The following ZMYND12 variants were observed in gnomAD, a reference collection of about 807,000 sequenced individuals.
ZMYND12 encodes zinc finger MYND domain-containing protein 12.
A neutral mutation model predicts 41.7 loss-of-function variants in ZMYND12; 32 were observed. The observed-to-expected ratio is 0.77, with a 90% CI of 0.58 to 1.03. The LOEUF (loss-of-function observed/expected upper bound fraction) is 1.03. ZMYND12 is among the 50% of genes least tolerant of loss of function. The pLI, the probability that ZMYND12 is intolerant of heterozygous loss-of-function variation, is 0.00. For missense variants in ZMYND12, 424 were observed against 438.5 expected, an observed-to-expected ratio of 0.97 and a Z score of 0.30; for synonymous variants, 148 against 164.8, an observed-to-expected ratio of 0.90 and a Z score of 0.78.
In ZMYND12 at chr1:42,430,584, T is replaced by C; in HGVS notation, c.*152A>G. 1.0e-6 allele frequency: 1 copy of C among 987,046 alleles called. No homozygotes were observed. Among genetic ancestry groups the C allele is most frequent in the South Asian group, 1.9e-5 (1 of 52,746 alleles). 61.1% of individuals were successfully genotyped at this position (987,046 alleles called of 1,614,324 possible). A position where few individuals can be genotyped will look rare whatever the true frequency, so the allele number is the denominator to read the frequency against. Reference sequence around the variant, plus strand: ...CTTTATATTCCCTTAATATGCTGTGTAAGAAAAAAATAACAGCTATGTGTG... The same window carrying C: ...CTTTATATTCCCTTAATATGCTGTGCAAGAAAAAAATAACAGCTATGTGTG... On this transcript the variant is annotated 3_prime_UTR_variant, in exon 8 of 8. Coordinates refer to ENST00000372565, the MANE Select transcript of ZMYND12 (RefSeq NM_032257.5).
intron 4 of ZMYND12, among the ~76,000 whole-genome samples, chr1:42,437,241 TG>T (rs1642917228): frequency 1.3e-5 from 2 of 152,146 alleles, no homozygotes; most frequent in South Asian, 4.1e-4. Context: ...AAGGCAAATT[TG>T]TAGAAACAGG....
chr1:42,453,214 CA>C (rs967551833), intron 1 of ZMYND12, among the ~76,000 whole-genome samples: 25 of 151,684 alleles, frequency 1.6e-4, no homozygotes, highest in African/African-American at 5.3e-4. Context: ...AGCAAAAAAA[CA>C]AAAGGAGAAG....
At chr1:42,451,264 T>G (rs554396432) in intron 1 of ZMYND12, among the ~76,000 whole-genome samples, 2 of 152,344 alleles carry the variant, frequency 1.3e-5, no homozygotes, top group Admixed American at 1.3e-4. Context: ...GGTAGGATAT[T>G]GAAGTCTTCA....
At chr1:42,447,016 T>G (rs114786332) in intron 3 of ZMYND12, among the ~76,000 whole-genome samples, 57,814 of 151,488 alleles carry the variant, frequency 0.38, 11,423 homozygotes, top group East Asian at 0.59. Flanking sequence ...TGAATAAAGA[T>G]AAAATACTGA....
At chr1:42,442,401 A>G (rs920610780) in intron 3 of ZMYND12, among the ~76,000 whole-genome samples, 3 of 152,206 alleles carry the variant, frequency 2.0e-5, no homozygotes, top group African/African-American at 7.2e-5. Flanking sequence ...GTTACTAAGT[A>G]ATGTGGAAGG....
Position 42,455,917 on chromosome 1 carries a change from C to T in ZMYND12, c.81G>A (p.Val27=). Residue 27 remains valine, a synonymous_variant, in exon 1 of 8, where the codon GTG becomes GTA. Transcript: ENST00000372565. The part of the protein sequence containing the change: ...CEVCEAPAER[V]CAACTVTYYC... Reference sequence around the variant, plus strand: ...AATAAGTGACTGTGCAGGCCGCGCACACCCGCTCGGCTGGGGCTTCGCACA... The same window carrying T: ...AATAAGTGACTGTGCAGGCCGCGCATACCCGCTCGGCTGGGGCTTCGCACA... The T allele has an allele frequency of 6.2e-7, 1 of 1,613,688 alleles. No homozygotes were observed. Among genetic ancestry groups the T allele is most frequent in the East Asian group, 2.2e-5 (1 of 44,860 alleles).
intron 4 of ZMYND12, among the ~76,000 whole-genome samples, chr1:42,439,420 C>T (rs765092049): frequency 6.6e-6 from 1 of 152,180 alleles, no homozygotes; most frequent in African/African-American, 2.4e-5. Context: ...CATGCACCAC[C>T]ACGCCTGGCT....
rs1421851930 is a variant in ZMYND12 at position 42,449,993 on chromosome 1, T to C, written c.177A>G (p.Pro59=). 5.0e-6 allele frequency: 8 copies of C among 1,613,974 alleles called. No homozygotes were observed. The highest frequency in any genetic ancestry group is 6.8e-6 in the Non-Finnish European group (8 of 1,180,034). Residue 59 remains proline (P), a synonymous_variant, in exon 2 of 8, where the codon CCA becomes CCG. Coordinates refer to ENST00000372565, the MANE Select transcript of ZMYND12 (RefSeq NM_032257.5). ...TGTAGAAGGGCATGGAAGTGCGCAGTGGAATCAAGAGCTGACATATTTTCT... is the reference window on the plus strand; with the variant it reads ...TGTAGAAGGGCATGGAAGTGCGCAGCGGAATCAAGAGCTGACATATTTTCT... ...IHEKICQLLI[P]LRTSMPFYNS...
At chr1:42,448,814 T>C (rs1643051109) in intron 2 of ZMYND12, among the ~76,000 whole-genome samples, 176 bp from the exon 3 acceptor site, 1 of 152,216 alleles carries the variant, frequency 6.6e-6, no homozygotes. Flanking sequence ...AAGCAAACTC[T>C]GGACTATGAG....
intron 4 of ZMYND12, among the ~76,000 whole-genome samples, chr1:42,439,301 C>T (rs1642941267): frequency 6.7e-6 from 1 of 149,104 alleles, no homozygotes; most frequent in African/African-American, 2.5e-5. Flanking sequence ...AAGTCTTGCT[C>T]TGTCGCCAGG....
chr1:42,439,940 G>C lies in ZMYND12; in HGVS notation c.510C>G (p.Thr170=). Residue 170 remains threonine (T), a synonymous_variant, in exon 4 of 8, where the codon ACC becomes ACG. Transcript: ENST00000372565. Reference sequence around the variant, plus strand: ...CCAGATTCCGATGCAGTAAAGAGTGGGTGGCATTACTACAGTCAGTTGATT... The same window carrying C: ...CCAGATTCCGATGCAGTAAAGAGTGCGTGGCATTACTACAGTCAGTTGATT... The part of the protein sequence containing the change: ...VLKSTDCSNA[T]HSLLHRNLGL... The C allele has an allele frequency of 6.2e-7, 1 of 1,614,050 alleles. No individual in the cohort carries two copies.
At chr1:42,444,782 C>T (rs1474632495) in intron 3 of ZMYND12, among the ~76,000 whole-genome samples, 1 of 150,832 alleles carries the variant, frequency 6.6e-6, no homozygotes, top group African/African-American at 2.5e-5. Flanking sequence ...GGACTAAGTG[C>T]TCAGAAGAAA....
intron 7 of ZMYND12, 81 bp from the exon 8 acceptor site, chr1:42,430,939 G>C: frequency 6.4e-7 from 1 of 1,571,686 alleles, no homozygotes; most frequent in Non-Finnish European, 8.7e-7. Flanking sequence ...CTCAACTCCA[G>C]AAACATGAGA....
chr1:42,443,445 T>C (rs966055769), intron 3 of ZMYND12, among the ~76,000 whole-genome samples: 5 of 152,146 alleles, frequency 3.3e-5, no homozygotes, highest in African/African-American at 1.2e-4. Flanking sequence ...CAGTGGTACT[T>C]GTCTGAAGGG....
intron 1 of ZMYND12, 49 bp downstream of exon 1, chr1:42,455,839 G>A (rs545419941): frequency 7.0e-7 from 1 of 1,421,772 alleles, no homozygotes. Context: ...CCGGGAAAGG[G>A]AGAGAGGGAG....
chr1:42,430,714 T>G lies in ZMYND12; in HGVS notation c.*22A>C. 6.2e-7 allele frequency: 1 copy of G among 1,612,830 alleles called. No individual in the cohort carries two copies. Among genetic ancestry groups the G allele is most frequent in the Non-Finnish European group, 8.5e-7 (1 of 1,178,906 alleles). The stretch of plus-strand genomic sequence containing the variant: ...TCTTCAGTAGCCCCTGGAATAACCC[T>G]TGATGCAGAGCTCATGGGTCACTAA... On this transcript the variant is annotated 3_prime_UTR_variant, in exon 8 of 8. Transcript: ENST00000372565.
At position 42,439,994 on chromosome 1, in the gene ZMYND12, A is replaced by G. The variant is rs1478512464; in HGVS notation, c.456T>C (p.Tyr152=). 6.2e-7 allele frequency: 1 copy of G among 1,613,036 alleles called. No homozygotes were observed. Among genetic ancestry groups the G allele is most frequent in the Non-Finnish European group, 8.5e-7 (1 of 1,179,738 alleles). Residue 152 remains tyrosine (Y), a synonymous_variant, in exon 4 of 8, where the codon TAT becomes TAC. Transcript: ENST00000372565. ...GGACTGTCCACTGGGCTTGGAATAG[A>G]TATTCTTCAGCCTGAACGATTCGGC... ...GLGRIVQAEE[Y]LFQAQWTVLK...
chr1:42,454,252 T>C (rs2148411912), intron 1 of ZMYND12, among the ~76,000 whole-genome samples: 1 of 152,322 alleles, frequency 6.6e-6, no homozygotes, highest in South Asian at 2.1e-4. Context: ...CAGGGCCTTG[T>C]ATTTTCTGTT....
chr1:42,430,825 C>T lies in ZMYND12; in HGVS notation c.1009G>A (p.Ala337Thr). ...QEYGMRALSL[A>T]KEQQLDVHEQ... is the part of the protein sequence containing the mutation. ...TGGACATCAAGCTGTTGTTCTTTGG[C>T]TAGACTGAGGGCCCTCATGCCATAT... The change falls in exon 8 of 8, where the codon GCC becomes ACC. Residue 337 changes from alanine (A) to threonine (T), a missense_variant. Coordinates refer to ENST00000372565, the MANE Select transcript of ZMYND12 (RefSeq NM_032257.5). The T allele has an allele frequency of 6.2e-7, 1 of 1,614,176 alleles. No individual in the cohort carries two copies. Among genetic ancestry groups the T allele is most frequent in the East Asian group, 2.2e-5 (1 of 44,884 alleles).
Sources: allele counts gnomAD v4.1 joint callset (sites outside exome capture counted in the v4.1 genomes callset), GRCh38; gene constraint gnomAD v4.1.1; transcripts MANE v1.5; gene names NCBI Gene and HGNC (gene_info 2026-07-23, HGNC 2026-07-21).